The following SUOX variants were observed in gnomAD, a reference collection of about 807,000 sequenced individuals.
SUOX encodes sulfite oxidase, mitochondrial.
Under a neutral mutation model 41.9 loss-of-function variants are expected in SUOX, and 39 were observed. The ratio of observed to expected loss-of-function variants is 0.93; its 90% confidence interval spans 0.72 to 1.21. SUOX has a LOEUF of 1.21. SUOX is among the 50% of genes most tolerant of loss of function. The pLI is 0.00. For missense variants in SUOX, 633 were observed against 689.5 expected, an observed-to-expected ratio of 0.92 and a Z score of 0.92; for synonymous variants, 220 against 268.4, an observed-to-expected ratio of 0.82 and a Z score of 1.76.
intron 2 of SUOX, among the ~76,000 whole-genome samples, chr12:55,999,864 T>G (rs200883984): frequency 6.6e-6 from 1 of 151,752 alleles, no homozygotes; most frequent in Non-Finnish European, 1.5e-5. Context: ...CCCCACCAGA[T>G]TAGCTAGATA....
chr12:56,005,175 A>G lies in SUOX; in HGVS notation c.*148A>G, dbSNP rs1890700070. 1.1e-6 allele frequency: 1 copy of G among 885,882 alleles called. No individual in the cohort carries two copies. The highest frequency in any genetic ancestry group is 1.5e-5 in the South Asian group (1 of 68,844). 54.9% of individuals were successfully genotyped at this position (885,882 alleles called of 1,614,324 possible). On this transcript the variant is annotated 3_prime_UTR_variant, in exon 5 of 5. Coordinates refer to ENST00000266971, the MANE Select transcript of SUOX (RefSeq NM_001032386.2). The stretch of plus-strand genomic sequence containing the variant: ...CACATATAGCACATTTCACCCAAGG[A>G]CCTTCCCTCTTTGGACACTATGTTA...
chr12:56,004,913 T>C lies in SUOX; in HGVS notation c.1524T>C (p.Cys508=). 3 of 1,614,168 alleles carry C rather than the reference T, an allele frequency of 1.9e-6. No individual in the cohort carries two copies. The highest frequency in any genetic ancestry group is 2.5e-6 in the Non-Finnish European group (3 of 1,180,034). ...GACAAAAGGAACTGAACATTGTTTG[T>C]AAGGCTGTGGATGATGGTTACAATG... is the stretch of plus-strand genomic sequence containing the variant. ...PAGQKELNIV[C]KAVDDGYNVQ... is the part of the protein sequence containing the mutation. The change falls in exon 5 of 5, where the codon TGT becomes TGC. Residue 508 remains cysteine (C), a synonymous_variant. Transcript: ENST00000266971. This position sits in a 1 kb window ranked among gnomAD's most constrained non-coding sequence, Gnocchi z 4.5.
At position 56,001,118 on chromosome 12, in the gene SUOX, C is replaced by CTTTTTTTT. The variant is rs1234069085; in HGVS notation, c.-10-1077_-10-1070dup. ...TATTTTGTTATTGTTGTTAATCTCT[C>CTTTTTTTT]TTTTTTTTTTTTTTTTTTTTTTTTG... On this transcript the variant is annotated intron_variant, in intron 2 of 4. Coordinates refer to ENST00000266971, the MANE Select transcript of SUOX (RefSeq NM_001032386.2). 3.3e-4 allele frequency among the ~76,000 whole-genome samples: 17 copies of CTTTTTTTT among 51,276 alleles called. 2 individuals are homozygous for CTTTTTTTT. Among genetic ancestry groups the CTTTTTTTT allele is most frequent in the South Asian group, 8.9e-4 (1 of 1,118 alleles). The allele number at this position is 51,276 out of a possible 152,430, so 33.6% of individuals were successfully genotyped here.
chr12:56,005,159 C>G lies in SUOX; in HGVS notation c.*132C>G, dbSNP rs1451006311. The G allele has an allele frequency of 7.0e-6, 7 of 1,000,058 alleles. No individual in the cohort carries two copies. In the East Asian group the frequency reaches 1.8e-4, roughly 25 times the overall value. The allele number at this position is 1,000,058 out of a possible 1,614,324, so 61.9% of individuals were successfully genotyped here. A position where few individuals can be genotyped will look rare whatever the true frequency, so the allele number is the denominator to read the frequency against. ...AAGCCATACCCAAGTACACATATAG[C>G]ACATTTCACCCAAGGACCTTCCCTC... On this transcript the variant is annotated 3_prime_UTR_variant, in exon 5 of 5. Coordinates refer to ENST00000266971, the MANE Select transcript of SUOX (RefSeq NM_001032386.2).
In SUOX at chr12:56,003,790, A is replaced by C. The variant is rs1890623640; in HGVS notation, c.401A>C (p.Glu134Ala). ...KLMLAAGGPL[E>A]PFWALYAVHN... Reference sequence around the variant, plus strand: ...ATGCTAGCAGCTGGGGGTCCCCTAGAGCCCTTCTGGGCCCTCTATGCTGTT... The same window carrying C: ...ATGCTAGCAGCTGGGGGTCCCCTAGCGCCCTTCTGGGCCCTCTATGCTGTT... The change falls in exon 5 of 5, where the codon GAG (glutamate) becomes GCG (alanine). Residue 134 changes from glutamate to alanine, a missense_variant. Physicochemically the swap from Glu to Ala is moderately radical, Grantham distance 107. Coordinates refer to ENST00000266971, the MANE Select transcript of SUOX (RefSeq NM_001032386.2). The C allele has an allele frequency of 6.2e-7, 1 of 1,613,816 alleles. No homozygotes were observed. Among genetic ancestry groups the C allele is most frequent in the African/African-American group, 1.3e-5 (1 of 74,924 alleles).
At chr12:56,000,157 C>T (rs1167379403) in intron 2 of SUOX, among the ~76,000 whole-genome samples, 2 of 152,234 alleles carry the variant, frequency 1.3e-5, no homozygotes, top group Admixed American at 6.5e-5. Context: ...CACTCCTCAG[C>T]CCTTGGGTGG....
At chr12:56,000,246 G>C (rs1054482756) in intron 2 of SUOX, among the ~76,000 whole-genome samples, 45 of 152,348 alleles carry the variant, frequency 3.0e-4, no homozygotes, top group African/African-American at 8.7e-4. Flanking sequence ...CACGGCGAAG[G>C]GGGGCTCAGG....
At position 56,004,999 on chromosome 12, in the gene SUOX, A is replaced by G; in HGVS notation, c.1610A>G (p.His537Arg). 6.2e-7 allele frequency: 1 copy of G among 1,613,426 alleles called. No homozygotes were observed. Among genetic ancestry groups the G allele is most frequent in the Non-Finnish European group, 8.5e-7 (1 of 1,180,036 alleles). The change falls in exon 5 of 5, where the codon CAT becomes CGT. Residue 537 changes from histidine (H) to arginine (R), a missense_variant. Physicochemically the swap from His to Arg is conservative, Grantham distance 29. Transcript: ENST00000266971. The surrounding 1 kb of genome is among the most constrained non-coding windows in gnomAD (Gnocchi z 4.5). ...NLRGVLSNAW[H>R]RVHVYVSP The stretch of plus-strand genomic sequence containing the variant: ...CGAGGTGTTCTCAGCAATGCCTGGC[A>G]TCGTGTCCATGTCTATGTCTCCCCA...
Position 56,005,295 on chromosome 12 carries a change from A to C in SUOX, c.*268A>C. On this transcript the variant is annotated 3_prime_UTR_variant, in exon 5 of 5. Transcript: ENST00000266971. ...AAAAGTAATTCTGGAGACAAGCACT[A>C]TTTTCTCTTCCTACCCCACCTCCAT... is the stretch of plus-strand genomic sequence containing the variant. 1.7e-6 allele frequency: 1 copy of C among 592,316 alleles called. No homozygotes were observed. The highest frequency in any genetic ancestry group is 3.0e-6 in the Non-Finnish European group (1 of 332,670). 36.7% of individuals were successfully genotyped at this position (592,316 alleles called of 1,614,324 possible). A position where few individuals can be genotyped will look rare whatever the true frequency, so the allele number is the denominator to read the frequency against.
At chr12:56,000,893 TCTC>T (rs1252136431) in intron 2 of SUOX, among the ~76,000 whole-genome samples, 1 of 151,552 alleles carries the variant, frequency 6.6e-6, no homozygotes, top group African/African-American at 2.4e-5. Flanking sequence ...TTCACGCCAT[TCTC>T]CTGTCTCCGG....
At chr12:56,000,518 C>T (rs1020397868) in intron 2 of SUOX, among the ~76,000 whole-genome samples, 1 of 152,220 alleles carries the variant, frequency 6.6e-6, no homozygotes, top group African/African-American at 2.4e-5. Flanking sequence ...TTCCCGCTCG[C>T]ACCTCTCCCT....
chr12:55,998,845 C>T (rs1210382515), intron 2 of SUOX, among the ~76,000 whole-genome samples: 1 of 151,588 alleles, frequency 6.6e-6, no homozygotes, highest in African/African-American at 2.4e-5. Flanking sequence ...GTTGCCCAGG[C>T]TGGAGTACGG....
rs750170993 is a variant in SUOX, at chr12:56,004,576, A to C, written c.1187A>C (p.Gln396Pro). 3 of 1,614,220 alleles carry C rather than the reference A, an allele frequency of 1.9e-6. No homozygotes were observed. The change falls in exon 5 of 5, where the codon CAA becomes CCA. Residue 396 changes from glutamine (Q) to proline (P), a missense_variant. Coordinates refer to ENST00000266971, the MANE Select transcript of SUOX (RefSeq NM_001032386.2). The surrounding 1 kb of genome is among the most constrained non-coding windows in gnomAD (Gnocchi z 4.5). ...CCAGAGGAAAGTTACAGCCACTGGC[A>C]ACGGCGGGATTACAAAGGCTTCTCT... Reference protein sequence around the residue: ...VQPEESYSHWQRRDYKGFSPS... With the variant: ...VQPEESYSHWPRRDYKGFSPS...
chr12:55,998,382 C>CAAA (rs780569420), intron 2 of SUOX, among the ~76,000 whole-genome samples: 3 of 55,706 alleles, frequency 5.4e-5, no homozygotes, highest in South Asian at 5.4e-4. Flanking sequence ...CTCATCTCTA[C>CAAA]AAAAAAAAAA....
chr12:56,002,770 C>A, intron 4 of SUOX, 50 bp downstream of exon 4: 1 of 1,608,756 alleles, frequency 6.2e-7, no homozygotes, highest in South Asian at 1.1e-5. Flanking sequence ...TGCAGTGGCT[C>A]ACGCCTGTTA....
intron 3 of SUOX, 22 bp downstream of exon 3, chr12:56,002,293 C>A: frequency 6.2e-7 from 1 of 1,609,170 alleles, no homozygotes. Flanking sequence ...CATCCCAGGA[C>A]TTGCCTCCTA....
chr12:55,998,363 T>G (rs982746618), intron 2 of SUOX, among the ~76,000 whole-genome samples: 32 of 139,724 alleles, frequency 2.3e-4, no homozygotes, highest in Non-Finnish European at 4.0e-4. Flanking sequence ...CTGGGCAACA[T>G]AGTAAGACCT....
At position 56,004,606 on chromosome 12, in the gene SUOX, C is replaced by T; in HGVS notation, c.1217C>T (p.Ser406Phe). The change falls in exon 5 of 5, where the codon TCT (serine) becomes TTT (phenylalanine). Residue 406 changes from serine (S) to phenylalanine (F), a missense_variant. Ser to Phe is a radical substitution (Grantham distance 155). Coordinates refer to ENST00000266971, the MANE Select transcript of SUOX (RefSeq NM_001032386.2). The surrounding 1 kb of genome is among the most constrained non-coding windows in gnomAD (Gnocchi z 4.5). Reference protein sequence around the residue: ...QRRDYKGFSPSVDWETVDFDS... With the variant: ...QRRDYKGFSPFVDWETVDFDS... Reference sequence around the variant, plus strand: ...CGGGATTACAAAGGCTTCTCTCCATCTGTGGACTGGGAGACTGTAGATTTT... The same window carrying T: ...CGGGATTACAAAGGCTTCTCTCCATTTGTGGACTGGGAGACTGTAGATTTT... 1 of 1,614,210 alleles carries T rather than the reference C, an allele frequency of 6.2e-7. No homozygotes were observed. The highest frequency in any genetic ancestry group is 8.5e-7 in the Non-Finnish European group (1 of 1,180,038).
rs768653457 is a variant in SUOX, at chr12:56,002,289, A to G, written c.50+18A>G. 2 of 1,609,732 alleles carry G rather than the reference A, an allele frequency of 1.2e-6. No homozygotes were observed. Among genetic ancestry groups the G allele is most frequent in the South Asian group, 2.2e-5 (2 of 91,080 alleles). ...GCCTGCAGGTAGGCCAGCCCATCCCAGGACTTGCCTCCTAGCCCCTATCTG... is the reference window on the plus strand; with the variant it reads ...GCCTGCAGGTAGGCCAGCCCATCCCGGGACTTGCCTCCTAGCCCCTATCTG... On this transcript the variant is annotated intron_variant, in intron 3 of 4. Coordinates refer to ENST00000266971, the MANE Select transcript of SUOX (RefSeq NM_001032386.2).
Sources: allele counts gnomAD v4.1 joint callset (sites outside exome capture counted in the v4.1 genomes callset), GRCh38; gene constraint gnomAD v4.1.1; non-coding constraint Gnocchi (gnomAD v3.1); transcripts MANE v1.5; gene names NCBI Gene and HGNC (gene_info 2026-07-23, HGNC 2026-07-21).